SUGCT: variants seen among roughly 807,000 people sequenced by gnomAD.
SUGCT encodes the protein succinyl-CoA:glutarate-CoA transferase.
Under a neutral mutation model 55.0 loss-of-function variants are expected in SUGCT, and 41 were observed. The observed-to-expected ratio is 0.74, with a 90% CI of 0.58 to 0.97. The LOEUF (loss-of-function observed/expected upper bound fraction) is 0.97. SUGCT is among the 50% of genes least tolerant of loss of function. The probability of loss-of-function intolerance (pLI) is 0.00; values close to 1 mark genes in which losing one functional copy is unlikely to be tolerated. For synonymous variants in SUGCT, 187 were observed against 200.4 expected (o/e 0.93, Z 0.56); for missense variants, 568 against 547.8 (o/e 1.04, Z -0.37).
chr7:40,395,876 A>G (rs887983349), intron 9 of SUGCT, among the ~76,000 whole-genome samples: 2 of 152,190 alleles, frequency 1.3e-5, no homozygotes, highest in African/African-American at 4.8e-5. Context: ...TCTAGCAACT[A>G]TAGACTGTTA....
intron 9 of SUGCT, among the ~76,000 whole-genome samples, chr7:40,342,492 C>T (rs1797106838): frequency 6.6e-6 from 1 of 152,082 alleles, no homozygotes; most frequent in Non-Finnish European, 1.5e-5. Context: ...GAGTAGGGGG[C>T]TCTGTGGAAA....
chr7:40,971,703 A>G, the SUGCT span, among the ~76,000 whole-genome samples: 1 of 152,066 alleles, frequency 6.6e-6, no homozygotes, highest in Admixed American at 6.5e-5. Context: ...TTCTAAGAGG[A>G]TCATGTCTAA....
the SUGCT span, among the ~76,000 whole-genome samples, chr7:40,919,749 A>G: frequency 5.9e-5 from 9 of 152,156 alleles, no homozygotes; most frequent in African/African-American, 2.2e-4. Context: ...TTGTTGCTAG[A>G]AGGACCTACC....
At chr7:40,541,354 G>A (rs1562848750) in intron 12 of SUGCT, among the ~76,000 whole-genome samples, 3 of 152,242 alleles carry the variant, frequency 2.0e-5, no homozygotes, top group South Asian at 4.2e-4. Flanking sequence ...TCTAGAGAAC[G>A]GTTTGTCATT....
intron 9 of SUGCT, among the ~76,000 whole-genome samples, chr7:40,335,561 G>T (rs947475910): frequency 1.3e-5 from 2 of 151,996 alleles, no homozygotes; most frequent in African/African-American, 4.8e-5. Flanking sequence ...TCTGTTATTG[G>T]TGTATAAGAA....
At chr7:40,642,168 G>T (rs1403147688) in intron 12 of SUGCT, among the ~76,000 whole-genome samples, 1 of 152,208 alleles carries the variant, frequency 6.6e-6, no homozygotes, top group Non-Finnish European at 1.5e-5. Context: ...GCTTTTTAAA[G>T]CATGCACATG....
the SUGCT span, among the ~76,000 whole-genome samples, chr7:41,018,186 G>T: frequency 6.6e-6 from 1 of 152,150 alleles, no homozygotes; most frequent in Non-Finnish European, 1.5e-5. Flanking sequence ...GCTGCAAGGG[G>T]AATGGTTAAT....
intron 5 of SUGCT, 63 bp from the exon 6 acceptor site, chr7:40,194,876 TA>T: frequency 6.5e-7 from 1 of 1,538,578 alleles, no homozygotes. Flanking sequence ...TGTGTAAAGT[TA>T]AAATTCTATC....
chr7:40,811,496 G>A (rs536688538), intron 13 of SUGCT, among the ~76,000 whole-genome samples: 2 of 151,994 alleles, frequency 1.3e-5, no homozygotes, highest in South Asian at 4.2e-4. Flanking sequence ...TTGGTTAGAT[G>A]TAGTCTTGGG....
intron 9 of SUGCT, among the ~76,000 whole-genome samples, chr7:40,443,099 C>T (rs945753105): frequency 1.1e-4 from 17 of 152,188 alleles, no homozygotes; most frequent in Non-Finnish European, 2.9e-5. Flanking sequence ...ATATGGGCCA[C>T]ATTTTCTTAA....
At chr7:40,809,991 G>A (rs1791318998) in intron 13 of SUGCT, among the ~76,000 whole-genome samples, 1 of 151,924 alleles carries the variant, frequency 6.6e-6, no homozygotes, top group African/African-American at 2.4e-5. Flanking sequence ...AGTATTCCAT[G>A]GTGTATATAT....
At chr7:40,370,598 G>T (rs1442261219) in intron 9 of SUGCT, among the ~76,000 whole-genome samples, 1 of 146,382 alleles carries the variant, frequency 6.8e-6, no homozygotes, top group African/African-American at 2.5e-5. Flanking sequence ...AGATGGGGGA[G>T]AGAGAGAGAG....
At chr7:40,819,912 A>C (rs1019344219) in intron 13 of SUGCT, among the ~76,000 whole-genome samples, 10 of 152,278 alleles carry the variant, frequency 6.6e-5, no homozygotes, top group African/African-American at 2.2e-4. Context: ...TAAGTCTTTA[A>C]TCTATCTTGA....
chr7:40,195,708 C>CTTTTTTTTT (rs928397687), intron 6 of SUGCT, among the ~76,000 whole-genome samples: 5 of 69,404 alleles, frequency 7.2e-5, no homozygotes, highest in Admixed American at 2.3e-4. Context: ...GAAAACAATT[C>CTTTTTTTTT]TTTTTTTTTT....
chr7:40,585,344 A>G (rs1277140313), intron 12 of SUGCT, among the ~76,000 whole-genome samples: 1 of 152,166 alleles, frequency 6.6e-6, no homozygotes, highest in Non-Finnish European at 1.5e-5. Context: ...TCCAGCAGTC[A>G]GGTTTCGTTG....
intron 12 of SUGCT, among the ~76,000 whole-genome samples, chr7:40,614,798 G>A (rs769091604): frequency 2.0e-5 from 3 of 152,050 alleles, no homozygotes; most frequent in Admixed American, 1.3e-4. Context: ...TGTGGCTCAC[G>A]CCTGTAATCC....
intron 13 of SUGCT, among the ~76,000 whole-genome samples, chr7:40,854,323 A>G (rs1359191446): frequency 6.6e-6 from 1 of 152,056 alleles, no homozygotes; most frequent in African/African-American, 2.4e-5. Flanking sequence ...TTGGCTCTCC[A>G]GGTCTGAGCT....
At chr7:40,227,657 T>C (rs1788459557) in intron 6 of SUGCT, among the ~76,000 whole-genome samples, 1 of 152,040 alleles carries the variant, frequency 6.6e-6, no homozygotes, top group Non-Finnish European at 1.5e-5. Context: ...TACGTCTCAA[T>C]TATTTTAAAG....
At chr7:40,298,902 AATT>A (rs1794347356) in intron 8 of SUGCT, among the ~76,000 whole-genome samples, 1 of 152,238 alleles carries the variant, frequency 6.6e-6, no homozygotes, top group Admixed American at 6.5e-5. Context: ...ATGATTAAAT[AATT>A]ATCTTCTCTT....
Sources: gnomAD v4.1 joint callset for allele counts (sites outside exome capture counted in the v4.1 genomes callset) on GRCh38, gnomAD v4.1.1 for gene constraint, MANE v1.5 for transcripts, NCBI Gene and HGNC (gene_info 2026-07-23, HGNC 2026-07-21) for gene names.